The following FAM135A variants were observed in gnomAD, a reference collection of about 807,000 sequenced individuals.
FAM135A encodes protein FAM135A.
Under a neutral mutation model 146.8 loss-of-function variants are expected in FAM135A, and 79 were observed. That is an observed-to-expected ratio of 0.54 (90% CI 0.45 to 0.65). The LOEUF (loss-of-function observed/expected upper bound fraction) is 0.65. Ranked by LOEUF, FAM135A falls within the 30% of genes least tolerant of loss-of-function variation. FAM135A has a pLI of 0.00. For missense variants in FAM135A, 1,623 were observed against 1,758.2 expected (o/e 0.92, Z 1.38); for synonymous variants, 562 against 603.6 (o/e 0.93, Z 1.01).
At chr6:70,511,300 A>T (rs989857030) in intron 12 of FAM135A, among the ~76,000 whole-genome samples, 4 of 151,906 alleles carry the variant, frequency 2.6e-5, no homozygotes, top group Non-Finnish European at 5.9e-5. Context: ...TCTTAAATTT[A>T]TTTTTCCCCA....
intron 4 of FAM135A, among the ~76,000 whole-genome samples, chr6:70,442,972 A>G (rs564724661): frequency 2.6e-5 from 4 of 152,220 alleles, no homozygotes; most frequent in Non-Finnish European, 5.9e-5. Context: ...TTAATACTAC[A>G]ATATTGCAGT....
chr6:70,469,875 A>C (rs891046192), intron 5 of FAM135A, among the ~76,000 whole-genome samples: 2 of 152,066 alleles, frequency 1.3e-5, no homozygotes, highest in African/African-American at 4.8e-5. Flanking sequence ...AAAAATAAAA[A>C]ATAAATTAGC....
chr6:70,449,386 A>G (rs1240212530), intron 4 of FAM135A, among the ~76,000 whole-genome samples: 9 of 152,140 alleles, frequency 5.9e-5, no homozygotes, highest in Admixed American at 2.6e-4. Context: ...GTACTCTTTG[A>G]CTAACATCTC....
At chr6:70,532,799 G>T (rs1796073148) in intron 16 of FAM135A, among the ~76,000 whole-genome samples, 1 of 152,124 alleles carries the variant, frequency 6.6e-6, no homozygotes, top group Non-Finnish European at 1.5e-5. Context: ...GGGCATGGTG[G>T]GATGCACCTG....
intron 11 of FAM135A, among the ~76,000 whole-genome samples, chr6:70,497,519 A>G (rs111602994): frequency 2.0e-5 from 3 of 152,196 alleles, no homozygotes; most frequent in African/African-American, 7.2e-5. Context: ...CCTGGCCAGT[A>G]CTTCCAATAC....
intron 5 of FAM135A, among the ~76,000 whole-genome samples, chr6:70,466,732 C>T (rs1450915385): frequency 2.6e-5 from 4 of 152,188 alleles, no homozygotes; most frequent in African/African-American, 9.6e-5. Context: ...AAGCAGAAAA[C>T]TTCAGTGAAG....
rs1235956424 is a variant in FAM135A, at chr6:70,524,094, G to A, written c.1231G>A (p.Asp411Asn). 1.2e-6 allele frequency: 2 copies of A among 1,610,808 alleles called. No homozygotes were observed. Among genetic ancestry groups the A allele is most frequent in the Admixed American group, 1.7e-5 (1 of 59,704 alleles). ...CAATTCATTACCTATAATCTTTGAAGATAGGTATTTAGATTCAGTTACTGA... is the reference window on the plus strand; with the variant it reads ...CAATTCATTACCTATAATCTTTGAAAATAGGTATTTAGATTCAGTTACTGA... Reference protein sequence around the residue: ...DLNSLPIIFEDRYLDSVTEDL... With the variant: ...DLNSLPIIFENRYLDSVTEDL... Residue 411 changes from aspartate (D) to asparagine (N), a missense_variant, in exon 14 of 22, where the codon GAT becomes AAT. This residue lies in a region of FAM135A where 1,061 missense variants were observed against 1,113.8 expected (regional missense o/e 0.95). Coordinates refer to ENST00000418814, the MANE Select transcript of FAM135A (RefSeq NM_001162529.3).
rs924368952 is a variant in FAM135A at position 70,560,461 on chromosome 6, C to T, written c.*540C>T. ...TATCATACAATCAAACCAGGTAGTTCATATAAAACAGTGTAATACAAGTTT... is the reference window on the plus strand; with the variant it reads ...TATCATACAATCAAACCAGGTAGTTTATATAAAACAGTGTAATACAAGTTT... On this transcript the variant is annotated 3_prime_UTR_variant, in exon 22 of 22. Transcript: ENST00000418814. 2.0e-5 allele frequency: 3 copies of T among 152,766 alleles called. No homozygotes were observed. The highest frequency in any genetic ancestry group is 7.2e-5 in the African/African-American group (3 of 41,440). 9.5% of individuals were successfully genotyped at this position (152,766 alleles called of 1,614,324 possible). A position where few individuals can be genotyped will look rare whatever the true frequency, so the allele number is the denominator to read the frequency against.
chr6:70,551,480 G>T (rs1247780493), intron 20 of FAM135A, among the ~76,000 whole-genome samples: 1 of 152,052 alleles, frequency 6.6e-6, no homozygotes, highest in Non-Finnish European at 1.5e-5. Context: ...ATGTGCTGTC[G>T]CATACCTGTT....
chr6:70,514,181 A>G (rs988446266), intron 12 of FAM135A, among the ~76,000 whole-genome samples: 2 of 151,816 alleles, frequency 1.3e-5, no homozygotes, highest in Admixed American at 6.6e-5. Context: ...TTTTTCAGCA[A>G]TTTATCCTCT....
intron 13 of FAM135A, among the ~76,000 whole-genome samples, chr6:70,523,057 G>A (rs558274510): frequency 6.6e-6 from 1 of 152,132 alleles, no homozygotes; most frequent in Admixed American, 6.5e-5. Context: ...TTGGCATTAA[G>A]GAATATTTTG....
At chr6:70,447,299 A>G (rs1284471009) in intron 4 of FAM135A, among the ~76,000 whole-genome samples, 1 of 152,194 alleles carries the variant, frequency 6.6e-6, no homozygotes, top group African/African-American at 2.4e-5. Flanking sequence ...CCATTCCCAC[A>G]TATGGCACAA....
At chr6:70,499,465 A>G (rs972125127) in intron 11 of FAM135A, among the ~76,000 whole-genome samples, 1 of 152,168 alleles carries the variant, frequency 6.6e-6, no homozygotes, top group Non-Finnish European at 1.5e-5. Context: ...TAATTGGGGC[A>G]TTTAGTCTAT....
intron 4 of FAM135A, among the ~76,000 whole-genome samples, chr6:70,431,685 A>G (rs892942244): frequency 6.6e-5 from 10 of 152,208 alleles, no homozygotes; most frequent in African/African-American, 1.4e-4. Flanking sequence ...TTTAAAATCA[A>G]TCTACAGGTT....
intron 2 of FAM135A, among the ~76,000 whole-genome samples, chr6:70,419,937 C>T (rs1023003318): frequency 3.9e-5 from 6 of 152,102 alleles, no homozygotes; most frequent in East Asian, 1.9e-4. Context: ...GTGATATATT[C>T]GTTGCTAACA....
chr6:70,452,654 A>T, intron 5 of FAM135A, 83 bp downstream of exon 5: 38 of 911,750 alleles, frequency 4.2e-5, no homozygotes, highest in Non-Finnish European at 5.9e-5. Flanking sequence ...TACAGATATA[A>T]GATACCTGTA....
At chr6:70,530,011 C>A (rs779809490) in intron 16 of FAM135A, among the ~76,000 whole-genome samples, 38 of 152,088 alleles carry the variant, frequency 2.5e-4, no homozygotes, top group Non-Finnish European at 4.9e-4. Flanking sequence ...TTGCGGTGAG[C>A]TGAGATCGCG....
At chr6:70,515,651 G>A (rs1044362635) in intron 12 of FAM135A, among the ~76,000 whole-genome samples, 11 of 152,154 alleles carry the variant, frequency 7.2e-5, no homozygotes, top group African/African-American at 2.7e-4. Context: ...TTGGGGGGCA[G>A]TAGAAGTATT....
intron 4 of FAM135A, among the ~76,000 whole-genome samples, chr6:70,450,872 G>A (rs543750127): frequency 6.6e-6 from 1 of 151,226 alleles, no homozygotes. Flanking sequence ...CTCCCTAGTA[G>A]CTGGGACCAC....
Sources: gnomAD v4.1 joint callset for allele counts (sites outside exome capture counted in the v4.1 genomes callset) on GRCh38, gnomAD v4.1.1 for gene constraint, gnomAD v4.1.1 regional missense constraint, MANE v1.5 for transcripts, NCBI Gene and HGNC (gene_info 2026-07-23, HGNC 2026-07-21) for gene names.